Variants in SCRN1 observed in about 807,000 individuals in gnomAD.
SCRN1 encodes secernin-1.
SCRN1 carries 19 observed loss-of-function variants against 43.3 expected under a neutral mutation model. The ratio of observed to expected loss-of-function variants is 0.44; its 90% CI spans 0.31 to 0.64. The LOEUF (loss-of-function observed/expected upper bound fraction) is 0.64, where lower values mean the gene tolerates loss of function less well. Ranked by LOEUF, SCRN1 falls within the 30% of genes least tolerant of loss-of-function variation. The probability of loss-of-function intolerance (pLI) is 0.09; values close to 1 mark genes in which losing one functional copy is unlikely to be tolerated. For synonymous variants in SCRN1, 183 were observed against 188.9 expected (o/e 0.97, Z 0.26); for missense variants, 447 against 524.1 (o/e 0.85, Z 1.44).
At chr7:29,985,653 C>T (rs55721200) in intron 1 of SCRN1, among the ~76,000 whole-genome samples, 2,912 of 152,228 alleles carry the variant, frequency 0.019, 39 homozygotes, top group East Asian at 0.041. Context: ...TTTCTCCATC[C>T]TAGCTGAAGT....
At chr7:29,948,394 A>G (rs1787804965) in intron 3 of SCRN1, among the ~76,000 whole-genome samples, 1 of 152,238 alleles carries the variant, frequency 6.6e-6, no homozygotes, top group Admixed American at 6.5e-5. Context: ...GTGTTCAGGA[A>G]ATAGTAACTC....
At chr7:29,941,323 C>T (rs1253541999) in intron 4 of SCRN1, among the ~76,000 whole-genome samples, 7 of 152,146 alleles carry the variant, frequency 4.6e-5, no homozygotes, top group Non-Finnish European at 8.8e-5. Context: ...CTATAGAAAG[C>T]CCCCTCCCTG....
chr7:29,923,004 A>C lies in SCRN1; in HGVS notation c.*953T>G, dbSNP rs1786819127. The C allele has an allele frequency of 6.6e-6, 1 of 152,128 alleles. No individual in the cohort carries two copies. The highest frequency in any genetic ancestry group is 6.6e-5 in the Admixed American group (1 of 15,262). 9.4% of individuals were successfully genotyped at this position (152,128 alleles called of 1,614,324 possible). ...ATATTTAACTAGAATCTAAATAGTC[A>C]AGAGTTCTTCCTTTTCTTTCCCTCC... is the stretch of plus-strand genomic sequence containing the variant. On this transcript the variant is annotated 3_prime_UTR_variant, in exon 8 of 8. Coordinates refer to ENST00000242059, the MANE Select transcript of SCRN1 (RefSeq NM_014766.5).
chr7:29,971,314 T>A (rs1021809706), intron 1 of SCRN1, among the ~76,000 whole-genome samples: 35 of 152,178 alleles, frequency 2.3e-4, no homozygotes, highest in African/African-American at 8.2e-4. Context: ...TTTTGCAAAC[T>A]GTGGAGGATG....
At position 29,951,264 on chromosome 7, in the gene SCRN1, G is replaced by A. The variant is rs184089207; in HGVS notation, c.341+3915C>T. 1.2e-4 allele frequency among the ~76,000 whole-genome samples: 19 copies of A among 152,294 alleles called. No individual in the cohort carries two copies. In the East Asian group the frequency reaches 1.4e-3, roughly 11 times the overall value. ...GCCAACGCCTAGAGCTGCCCATCCC[G>A]CCACAGCTGGCACACCTGGCTGTGT... On this transcript the variant is annotated intron_variant, in intron 3 of 7. Coordinates refer to ENST00000242059, the MANE Select transcript of SCRN1 (RefSeq NM_014766.5).
intron 1 of SCRN1, among the ~76,000 whole-genome samples, chr7:29,970,635 G>T (rs769574328): frequency 6.6e-6 from 1 of 152,158 alleles, no homozygotes; most frequent in South Asian, 2.1e-4. Flanking sequence ...AACCGCAGCC[G>T]TACACTATGT....
intron 2 of SCRN1, among the ~76,000 whole-genome samples, chr7:29,962,011 G>A (rs1395201896): frequency 1.3e-5 from 2 of 151,920 alleles, no homozygotes; most frequent in Non-Finnish European, 2.9e-5. Flanking sequence ...GTGGATGAAT[G>A]AGGAGTCCAC....
At chr7:29,929,294 C>T (rs565351555) in intron 6 of SCRN1, among the ~76,000 whole-genome samples, 1 of 152,336 alleles carries the variant, frequency 6.6e-6, no homozygotes, top group African/African-American at 2.4e-5. Flanking sequence ...GGCTGGTAGG[C>T]TTCACGGTGG....
rs559660903 is a variant in SCRN1 at position 29,940,576 on chromosome 7, T to C, written c.739+106A>G. On this transcript the variant is annotated intron_variant, in intron 5 of 7. Coordinates refer to ENST00000242059, the MANE Select transcript of SCRN1 (RefSeq NM_014766.5). Reference sequence around the variant, plus strand: ...AGTTGGTCTTTACATACAAGGACTATTCTGTATTCCTTTTTGTTCACCCTT... The same window carrying C: ...AGTTGGTCTTTACATACAAGGACTACTCTGTATTCCTTTTTGTTCACCCTT... The C allele has an allele frequency of 6.5e-6, 7 of 1,068,990 alleles. No homozygotes were observed. In the East Asian group the frequency reaches 8.0e-5, roughly 12 times the overall value. The allele number at this position is 1,068,990 out of a possible 1,614,324, so 66.2% of individuals were successfully genotyped here. A position where few individuals can be genotyped will look rare whatever the true frequency, so the allele number is the denominator to read the frequency against.
intron 2 of SCRN1, among the ~76,000 whole-genome samples, chr7:29,966,121 CAGAG>C (rs529436508): frequency 1.4e-4 from 18 of 127,090 alleles, no homozygotes; most frequent in African/African-American, 5.0e-4. Context: ...CAGAGACACA[CAGAG>C]AGAGAGAGAG....
intron 1 of SCRN1, among the ~76,000 whole-genome samples, chr7:29,975,189 T>C (rs1408371659): frequency 6.6e-6 from 1 of 152,240 alleles, no homozygotes; most frequent in Non-Finnish European, 1.5e-5. Flanking sequence ...AAAACTTATT[T>C]ATATTCAGCT....
chr7:29,937,609 G>C (rs1787387234), intron 5 of SCRN1, among the ~76,000 whole-genome samples: 1 of 152,208 alleles, frequency 6.6e-6, no homozygotes, highest in African/African-American at 2.4e-5. Context: ...GCTGGTCAGA[G>C]TCAATACTCT....
chr7:29,990,074 A>C, upstream of SCRN1: 2 of 1,519,504 alleles, frequency 1.3e-6, no homozygotes, highest in Non-Finnish European at 1.8e-6. Flanking sequence ...CCCGGGCTTC[A>C]AGGAGCCAGG....
At position 29,921,939 on chromosome 7, in the gene SCRN1, GA is replaced by G. The variant is rs1230070700; in HGVS notation, c.*2017del. On this transcript the variant is annotated 3_prime_UTR_variant, in exon 8 of 8. Transcript: ENST00000242059. ...GTAGGCGAAGGTGAAATCACTCAGTGAGATTTTAGAGCAGCTTTCTGTATCA... is the reference window on the plus strand; with the variant it reads ...GTAGGCGAAGGTGAAATCACTCAGTGGATTTTAGAGCAGCTTTCTGTATCA... 1 of 152,190 alleles carries G rather than the reference GA, an allele frequency of 6.6e-6. No homozygotes were observed. Among genetic ancestry groups the G allele is most frequent in the Admixed American group, 6.5e-5 (1 of 15,282 alleles). The allele number at this position is 152,190 out of a possible 1,614,324, so 9.4% of individuals were successfully genotyped here.
Position 29,965,753 on chromosome 7 carries a change from T to G in SCRN1, c.159+3156A>C, listed in dbSNP as rs1788466310. Among the ~76,000 whole-genome samples, 1 of 152,254 alleles carries G rather than the reference T, an allele frequency of 6.6e-6. No individual in the cohort carries two copies. The highest frequency in any genetic ancestry group is 1.9e-4 in the East Asian group (1 of 5,170). ...CTTATGTATGGAAGGGGACAGGATT[T>G]AACCTAAATATATCTGAGTAATCAT... is the stretch of plus-strand genomic sequence containing the variant. On this transcript the variant is annotated intron_variant, in intron 2 of 7. Coordinates refer to ENST00000242059, the MANE Select transcript of SCRN1 (RefSeq NM_014766.5). This position sits in a 1 kb window ranked among gnomAD's most constrained non-coding sequence, Gnocchi z 4.2.
rs1789303725 is a variant in SCRN1, at chr7:29,989,768, G to A, written c.-128C>T. 2.0e-6 allele frequency: 2 copies of A among 986,424 alleles called. No individual in the cohort carries two copies. The highest frequency in any genetic ancestry group is 1.2e-6 in the Non-Finnish European group (1 of 830,912). The allele number at this position is 986,424 out of a possible 1,614,324, so 61.1% of individuals were successfully genotyped here. On this transcript the variant is annotated 5_prime_UTR_variant, in exon 1 of 8. Coordinates refer to ENST00000242059, the MANE Select transcript of SCRN1 (RefSeq NM_014766.5). ...CGGGGGCTGCAGCTGCAGTGGCGGAGGCGGCCGCCGGGCGCTTCCCCCTAC... is the reference window on the plus strand; with the variant it reads ...CGGGGGCTGCAGCTGCAGTGGCGGAAGCGGCCGCCGGGCGCTTCCCCCTAC...
chr7:29,971,393 G>A (rs578069674), intron 1 of SCRN1, among the ~76,000 whole-genome samples: 1 of 152,300 alleles, frequency 6.6e-6, no homozygotes, highest in East Asian at 1.9e-4. Context: ...AGCACTTTGG[G>A]AGGCCAAGGC....
chr7:29,986,019 G>A (rs1051655681), intron 1 of SCRN1, among the ~76,000 whole-genome samples: 2 of 152,236 alleles, frequency 1.3e-5, no homozygotes, highest in African/African-American at 2.4e-5. Flanking sequence ...CAGATCACCT[G>A]AGGTCAGGAG....
chr7:29,988,491 A>T (rs1789235886), intron 1 of SCRN1: 2 of 152,346 alleles, frequency 1.3e-5, no homozygotes, highest in Admixed American at 1.3e-4. Flanking sequence ...ACTCACACTA[A>T]TTCCCTCCCT....
Sources: gnomAD v4.1 joint callset for allele counts (sites outside exome capture counted in the v4.1 genomes callset) on GRCh38, gnomAD v4.1.1 for gene constraint, Gnocchi (gnomAD v3.1) non-coding constraint, MANE v1.5 for transcripts, NCBI Gene and HGNC (gene_info 2026-07-23, HGNC 2026-07-21) for gene names.